The following PRDM5 variants were observed in gnomAD, a reference collection of about 807,000 sequenced individuals.
The protein encoded by PRDM5 is PR/SET domain 5.
In PRDM5, 56 loss-of-function variants were observed where a neutral mutation model predicts 81.2. The observed-to-expected ratio is 0.69, with a 90% CI of 0.56 to 0.86. The LOEUF (loss-of-function observed/expected upper bound fraction) is 0.86, where lower values mean the gene tolerates loss of function less well. Ranked by LOEUF, PRDM5 falls within the 40% of genes least tolerant of loss-of-function variation. PRDM5 has a pLI of 0.00. For synonymous variants in PRDM5, 267 were observed against 256.4 expected, an observed-to-expected ratio of 1.04 and a Z score of -0.39; for missense variants, 697 against 770.1, an observed-to-expected ratio of 0.91 and a Z score of 1.12.
chr4:120,745,183 CAT>C (rs1312253147), intron 14 of PRDM5, among the ~76,000 whole-genome samples: 5 of 109,096 alleles, frequency 4.6e-5, no homozygotes. Flanking sequence ...ACAAAAACCA[CAT>C]GATTATCTCA....
chr4:120,807,767 G>A (rs747829763), intron 8 of PRDM5, among the ~76,000 whole-genome samples: 4 of 151,796 alleles, frequency 2.6e-5, no homozygotes, highest in African/African-American at 4.8e-5. Context: ...TCATGGTCTC[G>A]CTGGCTTCAG....
At position 120,909,709 on chromosome 4, in the gene PRDM5, G is replaced by C. The variant is rs185897857; in HGVS notation, c.94-2152C>G. 6.7e-4 allele frequency among the ~76,000 whole-genome samples: 101 copies of C among 151,850 alleles called. No homozygotes were observed. In the East Asian group the frequency reaches 0.017, roughly 25 times the overall value. On this transcript the variant is annotated intron_variant, in intron 1 of 15. Coordinates refer to ENST00000264808, the MANE Select transcript of PRDM5 (RefSeq NM_018699.4). ...AAACTCAAATAAATGCAATGGGATC[G>C]GGGGGTGGGGGGTGCGGGGGAAGCC... is the stretch of plus-strand genomic sequence containing the variant.
chr4:120,849,910 T>C (rs994345267), intron 3 of PRDM5, among the ~76,000 whole-genome samples: 5 of 152,192 alleles, frequency 3.3e-5, no homozygotes, highest in African/African-American at 1.2e-4. Context: ...TGGAAACTTT[T>C]CAGAAGTCTG....
intron 13 of PRDM5, among the ~76,000 whole-genome samples, chr4:120,770,469 T>C (rs1747110798): frequency 6.6e-6 from 1 of 151,846 alleles, no homozygotes; most frequent in African/African-American, 2.4e-5. Context: ...TTTCTCTTTT[T>C]TTTTTTTTTA....
chr4:120,921,046 A>G (rs1724846267), intron 1 of PRDM5, among the ~76,000 whole-genome samples: 1 of 152,244 alleles, frequency 6.6e-6, no homozygotes, highest in South Asian at 2.1e-4. Context: ...AGGATTATAT[A>G]ATAATTCTAA....
intron 1 of PRDM5, 136 bp from the exon 2 acceptor site, chr4:120,907,693 AT>A: frequency 5.3e-6 from 4 of 756,940 alleles, no homozygotes; most frequent in Non-Finnish European, 9.4e-6. Context: ...ATATTAACTA[AT>A]TTACCCAACA....
At chr4:120,687,550 A>G (rs1262177223), downstream of PRDM5, among the ~76,000 whole-genome samples, 2 of 152,132 alleles carry the variant, frequency 1.3e-5, no homozygotes, top group Non-Finnish European at 2.9e-5. Flanking sequence ...TTTAGGCTAC[A>G]TCTACCTCTT....
At chr4:120,826,207 G>T (rs950813190) in intron 3 of PRDM5, among the ~76,000 whole-genome samples, 2 of 152,048 alleles carry the variant, frequency 1.3e-5, no homozygotes, top group African/African-American at 4.8e-5. Context: ...AAATGTACCT[G>T]CTCCTCTTCT....
chr4:120,862,525 G>A (rs1450473), intron 2 of PRDM5, among the ~76,000 whole-genome samples: 68,211 of 151,988 alleles, frequency 0.45, 15,516 homozygotes, highest in Non-Finnish European at 0.47. Context: ...AAAGCTTCCA[G>A]TAGAGAGGTA....
At chr4:120,703,193 G>T (rs1455773916) in intron 15 of PRDM5, among the ~76,000 whole-genome samples, 1 of 151,466 alleles carries the variant, frequency 6.6e-6, no homozygotes, top group Non-Finnish European at 1.5e-5. Flanking sequence ...TTTTGTTTTT[G>T]TTTTTCTCTG....
intron 2 of PRDM5, among the ~76,000 whole-genome samples, chr4:120,900,204 C>A (rs1304335146): frequency 1.3e-5 from 2 of 152,086 alleles, no homozygotes; most frequent in Non-Finnish European, 1.5e-5. Context: ...ATCAACCTAA[C>A]CTTCAGCCAC....
intron 2 of PRDM5, among the ~76,000 whole-genome samples, chr4:120,862,626 C>T (rs1553996958): frequency 6.6e-6 from 1 of 152,202 alleles, no homozygotes. Context: ...ACTTGGCTCT[C>T]AGAGTGTTCC....
In PRDM5 at chr4:120,798,187, C is replaced by T. The variant is rs1203069213; in HGVS notation, c.1188+80G>A. On this transcript the variant is annotated intron_variant, in intron 10 of 15. Coordinates refer to ENST00000264808, the MANE Select transcript of PRDM5 (RefSeq NM_018699.4). Reference sequence around the variant, plus strand: ...TTATATACAGTAGGCCCCAGATGTACAAAAGCTTTATCAAAAATAAAAATT... The same window carrying T: ...TTATATACAGTAGGCCCCAGATGTATAAAAGCTTTATCAAAAATAAAAATT... 6 of 1,162,572 alleles carry T rather than the reference C, an allele frequency of 5.2e-6. No individual in the cohort carries two copies. In the Admixed American group the frequency reaches 9.8e-5, roughly 19 times the overall value. The allele number at this position is 1,162,572 out of a possible 1,614,324, so 72.0% of individuals were successfully genotyped here. A position where few individuals can be genotyped will look rare whatever the true frequency, so the allele number is the denominator to read the frequency against.
downstream of PRDM5, among the ~76,000 whole-genome samples, chr4:120,687,758 T>G (rs59624277): frequency 0.036 from 5,521 of 152,224 alleles, 167 homozygotes; most frequent in African/African-American, 0.082. Flanking sequence ...ATGAGTGAAT[T>G]AATGCCACTA....
At chr4:120,705,423 G>T (rs1165803072) in intron 15 of PRDM5, among the ~76,000 whole-genome samples, 1 of 152,168 alleles carries the variant, frequency 6.6e-6, no homozygotes, top group African/African-American at 2.4e-5. Flanking sequence ...TTTGAGCTGA[G>T]ATCTGAAAGA....
intron 13 of PRDM5, among the ~76,000 whole-genome samples, chr4:120,758,236 G>C (rs1262292696): frequency 6.6e-6 from 1 of 152,052 alleles, no homozygotes. Flanking sequence ...CTATAAATAT[G>C]CTATTGGTTC....
At chr4:120,728,636 C>T (rs1739794577) in intron 14 of PRDM5, among the ~76,000 whole-genome samples, 1 of 152,132 alleles carries the variant, frequency 6.6e-6, no homozygotes, top group South Asian at 2.1e-4. Flanking sequence ...CCAATTATTA[C>T]CCTCCACTTT....
chr4:120,832,216 A>G (rs1756805126), intron 3 of PRDM5, among the ~76,000 whole-genome samples: 1 of 152,152 alleles, frequency 6.6e-6, no homozygotes, highest in Non-Finnish European at 1.5e-5. Context: ...CAGGAAACTT[A>G]CAATCATGGC....
chr4:120,773,941 T>G lies in PRDM5; in HGVS notation c.1537+3247A>C, dbSNP rs183604810. ...ACTAAATGATTTCTAGTTTAGCAAATGCAGGTATTTTCTATAAAAATATGT... is the reference window on the plus strand; with the variant it reads ...ACTAAATGATTTCTAGTTTAGCAAAGGCAGGTATTTTCTATAAAAATATGT... On this transcript the variant is annotated intron_variant, in intron 13 of 15. Coordinates refer to ENST00000264808, the MANE Select transcript of PRDM5 (RefSeq NM_018699.4). Among the ~76,000 whole-genome samples the G allele has an allele frequency of 2.8e-3, 427 of 152,282 alleles. 2 individuals carry two copies. Among genetic ancestry groups the G allele is most frequent in the Non-Finnish European group, 3.6e-3 (245 of 68,018 alleles).
Sources: gnomAD v4.1 joint callset for allele counts (sites outside exome capture counted in the v4.1 genomes callset) on GRCh38, gnomAD v4.1.1 for gene constraint, MANE v1.5 for transcripts, NCBI Gene and HGNC (gene_info 2026-07-23, HGNC 2026-07-21) for gene names.